DENND5A: variants seen among roughly 807,000 people sequenced by gnomAD.
The protein encoded by DENND5A is DENN domain containing 5A, also known as DENN domain-containing protein 5A.
A neutral mutation model predicts 140.3 loss-of-function variants in DENND5A; 64 were observed. That is an observed-to-expected ratio of 0.46 (90% CI 0.37 to 0.56). The LOEUF is 0.56. DENND5A is among the 20% of genes least tolerant of loss of function. The pLI is 0.00. For synonymous variants in DENND5A, 605 were observed against 607.7 expected, an observed-to-expected ratio of 1.00 and a Z score of 0.07; for missense variants, 1,292 against 1,593.8, an observed-to-expected ratio of 0.81 and a Z score of 3.22.
intron 1 of DENND5A, among the ~76,000 whole-genome samples, chr11:9,249,236 A>AG (rs1851611650): frequency 6.6e-6 from 1 of 152,296 alleles, no homozygotes; most frequent in East Asian, 1.9e-4. Flanking sequence ...TCAAAAAAAA[A>AG]AAGAAAAAGA....
At position 9,165,974 on chromosome 11, in the gene DENND5A, C is replaced by G; in HGVS notation, c.2152-7G>C. On this transcript the variant is annotated splice_region_variant and splice_polypyrimidine_tract_variant and intron_variant, in intron 10 of 22. Transcript: ENST00000328194. Reference sequence around the variant, plus strand: ...TGGCTTCCTGGATGTACTTCTATATCAAACAGAAAAATAAAGACCCTTTGT... The same window carrying G: ...TGGCTTCCTGGATGTACTTCTATATGAAACAGAAAAATAAAGACCCTTTGT... The G allele has an allele frequency of 1.2e-6, 2 of 1,613,838 alleles. No individual in the cohort carries two copies. Among genetic ancestry groups the G allele is most frequent in the Non-Finnish European group, 1.7e-6 (2 of 1,179,830 alleles).
chr11:9,149,451 A>C (rs142487374), intron 15 of DENND5A, among the ~76,000 whole-genome samples: 1 of 152,352 alleles, frequency 6.6e-6, no homozygotes, highest in Non-Finnish European at 1.5e-5. Context: ...GACAATGATA[A>C]TACAACACAT....
chr11:9,234,449 C>T (rs7127063), intron 1 of DENND5A, among the ~76,000 whole-genome samples: 5,996 of 151,842 alleles, frequency 0.039, 399 homozygotes, highest in African/African-American at 0.14. Flanking sequence ...TAAAACACGA[C>T]GACAGCAAAA....
At chr11:9,217,610 T>C (rs1464601618) in intron 1 of DENND5A, among the ~76,000 whole-genome samples, 1 of 152,210 alleles carries the variant, frequency 6.6e-6, no homozygotes, top group African/African-American at 2.4e-5. Flanking sequence ...ACAGAGTGAC[T>C]GCTAATTAGT....
intron 1 of DENND5A, among the ~76,000 whole-genome samples, chr11:9,238,276 T>G (rs900499891): frequency 6.6e-6 from 1 of 152,158 alleles, no homozygotes; most frequent in Non-Finnish European, 1.5e-5. Flanking sequence ...TATCACTCTG[T>G]TAAAATATAT....
chr11:9,183,787 A>T (rs928795265), intron 5 of DENND5A, among the ~76,000 whole-genome samples: 2 of 152,202 alleles, frequency 1.3e-5, no homozygotes, highest in African/African-American at 4.8e-5. Flanking sequence ...TTAGGTTGAG[A>T]TTCAACCATT....
At chr11:9,195,425 T>A (rs1207430038) in intron 4 of DENND5A, among the ~76,000 whole-genome samples, 1 of 152,182 alleles carries the variant, frequency 6.6e-6, no homozygotes, top group Non-Finnish European at 1.5e-5. Flanking sequence ...GATGATATGA[T>A]GGTTTCAGGC....
intron 1 of DENND5A, among the ~76,000 whole-genome samples, chr11:9,236,084 T>C (rs910994115): frequency 6.6e-6 from 1 of 151,348 alleles, no homozygotes; most frequent in African/African-American, 2.4e-5. Context: ...CTACAAAAAA[T>C]TTAAAAATTA....
At chr11:9,217,781 G>C (rs1850151995) in intron 1 of DENND5A, among the ~76,000 whole-genome samples, 1 of 151,968 alleles carries the variant, frequency 6.6e-6, no homozygotes, top group African/African-American at 2.4e-5. Context: ...AAAATAAAAG[G>C]ACAAACAACA....
At chr11:9,147,664 A>G (rs1219137354) in intron 15 of DENND5A, among the ~76,000 whole-genome samples, 3 of 152,222 alleles carry the variant, frequency 2.0e-5, no homozygotes, top group African/African-American at 7.2e-5. Context: ...GAGAAAGGGC[A>G]GGCTTCTGCT....
chr11:9,257,591 C>T (rs1852002001), intron 1 of DENND5A, among the ~76,000 whole-genome samples: 2 of 150,466 alleles, frequency 1.3e-5, no homozygotes, highest in African/African-American at 2.4e-5. Context: ...ACGCCATTCT[C>T]CTGCCTCAGC....
chr11:9,216,556 A>G (rs1850100911), intron 1 of DENND5A, among the ~76,000 whole-genome samples: 1 of 152,250 alleles, frequency 6.6e-6, no homozygotes, highest in South Asian at 2.1e-4. Flanking sequence ...AACTTATAGC[A>G]TTAGGCACCT....
intron 1 of DENND5A, among the ~76,000 whole-genome samples, chr11:9,224,640 C>A (rs1232355789): frequency 1.3e-5 from 2 of 152,040 alleles, no homozygotes; most frequent in Non-Finnish European, 2.9e-5. Flanking sequence ...GCAGGCAGAT[C>A]ACGAGGTCAG....
rs188107800 is a variant in DENND5A at position 9,153,283 on chromosome 11, T to C, written c.2437-841A>G. On this transcript the variant is annotated intron_variant, in intron 12 of 22. Coordinates refer to ENST00000328194, the MANE Select transcript of DENND5A (RefSeq NM_015213.4). ...GGAGTTGAACCTGGGGGGCAGAGGT[T>C]GCAGTGAGCCAGGATCATGCCGCTG... Among the ~76,000 whole-genome samples, 456 of 133,442 alleles carry C rather than the reference T, an allele frequency of 3.4e-3. 1 individual carries two copies. Among genetic ancestry groups the C allele is most frequent in the Admixed American group, 5.3e-3 (61 of 11,426 alleles). The allele number at this position is 133,442 out of a possible 152,430, so 87.5% of individuals were successfully genotyped here.
chr11:9,232,020 G>A (rs1225426013), intron 1 of DENND5A, among the ~76,000 whole-genome samples: 5 of 151,258 alleles, frequency 3.3e-5, no homozygotes, highest in African/African-American at 7.3e-5. Context: ...GCTGAAAAAC[G>A]GCCAAGAAAA....
intron 1 of DENND5A, among the ~76,000 whole-genome samples, chr11:9,263,822 C>A (rs1323335598): frequency 1.5e-5 from 2 of 137,194 alleles, no homozygotes; most frequent in Admixed American, 1.5e-4. Context: ...GCAGTCCGGC[C>A]TGGGCGACAG....
intron 4 of DENND5A, 56 bp from the exon 5 acceptor site, chr11:9,193,737 T>C (rs1050503255): frequency 5.5e-6 from 8 of 1,454,462 alleles, no homozygotes; most frequent in Middle Eastern, 1.8e-4. Flanking sequence ...AACAAGGCAC[T>C]TGCTTTCCAA....
At chr11:9,152,153 G>C (rs910636292) in intron 13 of DENND5A, among the ~76,000 whole-genome samples, 2 of 152,156 alleles carry the variant, frequency 1.3e-5, no homozygotes, top group African/African-American at 4.8e-5. Flanking sequence ...CGATAAAAAG[G>C]GTATAGAAAT....
intron 1 of DENND5A, among the ~76,000 whole-genome samples, chr11:9,225,367 A>G (rs1229337093): frequency 2.6e-5 from 4 of 152,226 alleles, no homozygotes; most frequent in African/African-American, 9.6e-5. Flanking sequence ...CAAAAATGGT[A>G]GCTCACAGTA....
Sources: gnomAD v4.1 joint callset for allele counts (sites outside exome capture counted in the v4.1 genomes callset) on GRCh38, gnomAD v4.1.1 for gene constraint, MANE v1.5 for transcripts, NCBI Gene and HGNC (gene_info 2026-07-23, HGNC 2026-07-21) for gene names.